EYA1: variants seen among roughly 807,000 people sequenced by gnomAD.
EYA1 encodes EYA transcriptional coactivator and phosphatase 1, also known as protein phosphatase EYA1.
In EYA1, 16 loss-of-function variants were observed where a neutral mutation model predicts 82.0. The ratio of observed to expected loss-of-function variants is 0.20; its 90% CI spans 0.13 to 0.30. EYA1 has a LOEUF of 0.30. Ranked by LOEUF, EYA1 falls within the 10% of genes least tolerant of loss-of-function variation. The probability of loss-of-function intolerance (pLI) is 1.00; values close to 1 mark genes in which losing one functional copy is unlikely to be tolerated. For missense variants in EYA1, 633 were observed against 730.7 expected (o/e 0.87, Z 1.54); for synonymous variants, 261 against 264.4 (o/e 0.99, Z 0.12).
chr8:71,469,810 A>G (rs1255949649), intron 2 of EYA1, among the ~76,000 whole-genome samples: 4 of 152,002 alleles, frequency 2.6e-5, no homozygotes, highest in African/African-American at 9.7e-5. Context: ...GGGTAGATAC[A>G]TGATCTTGGC....
chr8:71,252,362 C>CCTT (rs1813853135), intron 11 of EYA1, among the ~76,000 whole-genome samples: 1 of 151,964 alleles, frequency 6.6e-6, no homozygotes, highest in African/African-American at 2.4e-5. Flanking sequence ...TATTCCTTTA[C>CCTT]AACAATGGAA....
chr8:71,372,152 C>T (rs151229702), intron 2 of EYA1, among the ~76,000 whole-genome samples: 1,735 of 152,100 alleles, frequency 0.011, 31 homozygotes, highest in African/African-American at 0.038. Flanking sequence ...GGATATTATT[C>T]GGAAATTTCA....
intron 11 of EYA1, among the ~76,000 whole-genome samples, chr8:71,256,924 G>A (rs993163572): frequency 2.0e-5 from 3 of 151,890 alleles, no homozygotes; most frequent in African/African-American, 4.8e-5. Context: ...GCCTGAACCC[G>A]GGAGACGGAG....
At chr8:71,352,467 C>A (rs1011778584) in intron 3 of EYA1, among the ~76,000 whole-genome samples, 1 of 152,138 alleles carries the variant, frequency 6.6e-6, no homozygotes, top group Non-Finnish European at 1.5e-5. Flanking sequence ...TGAGAAACTT[C>A]ATTTATTCTC....
chr8:71,485,785 A>G (rs998526357), intron 2 of EYA1, among the ~76,000 whole-genome samples: 2 of 152,216 alleles, frequency 1.3e-5, no homozygotes, highest in African/African-American at 4.8e-5. Flanking sequence ...AATGTTTCCA[A>G]AAGATTTGAC....
intron 2 of EYA1, among the ~76,000 whole-genome samples, chr8:71,416,913 G>A (rs1455385121): frequency 6.6e-6 from 1 of 152,160 alleles, no homozygotes; most frequent in South Asian, 2.1e-4. Context: ...TGAGGGTGTT[G>A]CCAAAGGAGA....
At chr8:71,387,111 G>A (rs181036623) in intron 2 of EYA1, among the ~76,000 whole-genome samples, 54 of 152,238 alleles carry the variant, frequency 3.5e-4, no homozygotes, top group South Asian at 6.2e-4. Flanking sequence ...TGTGTGATGC[G>A]ATCGACTTCT....
chr8:71,248,319 T>C (rs527965427), intron 11 of EYA1, among the ~76,000 whole-genome samples: 20 of 152,320 alleles, frequency 1.3e-4, no homozygotes, highest in Admixed American at 9.8e-4. Context: ...GGGTTCTAGT[T>C]GAGAGCAGTA....
chr8:71,454,054 C>A (rs1197165099), intron 2 of EYA1, among the ~76,000 whole-genome samples: 1 of 151,424 alleles, frequency 6.6e-6, no homozygotes, highest in African/African-American at 2.4e-5. Context: ...CACATAGGCT[C>A]AAAATAAAGG....
intron 9 of EYA1, among the ~76,000 whole-genome samples, chr8:71,273,966 C>T (rs983737025): frequency 5.3e-5 from 8 of 152,080 alleles, no homozygotes; most frequent in Non-Finnish European, 1.5e-5. Context: ...CCTTTATTTC[C>T]TAATGTTTAT....
intron 2 of EYA1, among the ~76,000 whole-genome samples, chr8:71,434,392 T>C (rs1283508124): frequency 6.6e-6 from 1 of 152,170 alleles, no homozygotes; most frequent in Non-Finnish European, 1.5e-5. Flanking sequence ...GGACATTCTT[T>C]ACACATTACC....
intron 4 of EYA1, among the ~76,000 whole-genome samples, chr8:71,324,952 T>G (rs912770307): frequency 6.6e-6 from 1 of 152,200 alleles, no homozygotes; most frequent in African/African-American, 2.4e-5. Context: ...TTTGTCCCAC[T>G]CAGAGATGGC....
chr8:71,480,142 TA>T (rs1810018139), intron 2 of EYA1, among the ~76,000 whole-genome samples: 1 of 152,346 alleles, frequency 6.6e-6, no homozygotes, highest in South Asian at 2.1e-4. Flanking sequence ...AGTTTATCCA[TA>T]ACGTATTGTT....
At chr8:71,253,499 T>C (rs1814003656) in intron 11 of EYA1, among the ~76,000 whole-genome samples, 1 of 152,182 alleles carries the variant, frequency 6.6e-6, no homozygotes, top group Non-Finnish European at 1.5e-5. Flanking sequence ...AAATAGTTGA[T>C]TACTTCCCAG....
At chr8:71,363,879 TAAG>T (rs1308678877), upstream of EYA1, among the ~76,000 whole-genome samples, 1 of 151,900 alleles carries the variant, frequency 6.6e-6, no homozygotes, top group Non-Finnish European at 1.5e-5. Context: ...ATTTTAGACA[TAAG>T]AGAGTAAGAA....
At chr8:71,274,187 G>A (rs1404318013) in intron 9 of EYA1, among the ~76,000 whole-genome samples, 1 of 152,098 alleles carries the variant, frequency 6.6e-6, no homozygotes, top group Non-Finnish European at 1.5e-5. Context: ...CTAAAAGATA[G>A]ACAACCTGAC....
rs565952302 is a variant in EYA1 at position 71,506,525 on chromosome 8, A to G, written c.33+29219T>C. 2.0e-5 allele frequency among the ~76,000 whole-genome samples: 3 copies of G among 152,334 alleles called. No homozygotes were observed. The East Asian group carries it at 5.8e-4, about 29-fold the overall frequency. On this transcript the variant is annotated intron_variant, in intron 2 of 18. Transcript: ENST00000643681. ...CTTCTTAAACCCATGTGTGCCAATTATATTTGTTATTGTAATTTTGCAATT... is the reference window on the plus strand; with the variant it reads ...CTTCTTAAACCCATGTGTGCCAATTGTATTTGTTATTGTAATTTTGCAATT...
At chr8:71,310,756 T>C (rs533470956) in intron 7 of EYA1, among the ~76,000 whole-genome samples, 1 of 151,638 alleles carries the variant, frequency 6.6e-6, no homozygotes, top group South Asian at 2.1e-4. Context: ...TCCAAATTCA[T>C]TTCCCCAAAT....
chr8:71,513,816 A>C (rs1363088147), intron 2 of EYA1, among the ~76,000 whole-genome samples: 1 of 152,072 alleles, frequency 6.6e-6, no homozygotes, highest in Non-Finnish European at 1.5e-5. Context: ...TTTGATTTTT[A>C]GATCCCACAA....
Sources: gnomAD v4.1 joint callset for allele counts (sites outside exome capture counted in the v4.1 genomes callset) on GRCh38, gnomAD v4.1.1 for gene constraint, MANE v1.5 for transcripts, NCBI Gene and HGNC (gene_info 2026-07-23, HGNC 2026-07-21) for gene names.